The following HMBOX1 variants were observed in gnomAD, a reference collection of about 807,000 sequenced individuals.
HMBOX1 encodes homeobox containing 1.
In HMBOX1, 14 loss-of-function variants were observed where a neutral mutation model predicts 54.5. The ratio of observed to expected loss-of-function variants is 0.26; its 90% CI spans 0.17 to 0.40. The LOEUF (loss-of-function observed/expected upper bound fraction) is 0.40. HMBOX1 is among the 10% of genes least tolerant of loss of function. The pLI is 1.00. For missense variants in HMBOX1, 332 were observed against 514.4 expected, an observed-to-expected ratio of 0.65 and a Z score of 3.43; for synonymous variants, 160 against 181.0, an observed-to-expected ratio of 0.88 and a Z score of 0.93.
chr8:28,974,291 C>T (rs1055107892), intron 3 of HMBOX1, among the ~76,000 whole-genome samples: 30 of 152,140 alleles, frequency 2.0e-4, no homozygotes, highest in African/African-American at 7.0e-4. Flanking sequence ...TTAGGAAGGA[C>T]TTTAAAGCCA....
rs1827180555 is a variant in HMBOX1 at position 28,970,395 on chromosome 8, T to A, written c.376T>A (p.Ser126Thr). The stretch of plus-strand genomic sequence containing the variant: ...TGGGAGGGAGAATAATGAGCGATTA[T>A]CTACATCCAATGGAAAGATGTCACC... ...QNGRENNERL[S>T]TSNGKMSPTR... The change falls in exon 3 of 10, where the codon TCT becomes ACT. Residue 126 changes from serine (S) to threonine (T), a missense_variant. Ser to Thr is a moderately conservative substitution (Grantham distance 58). Transcript: ENST00000287701. The surrounding 1 kb of genome is among the most constrained non-coding windows in gnomAD (Gnocchi z 4.3). 4 of 1,614,140 alleles carry A rather than the reference T, an allele frequency of 2.5e-6. No individual in the cohort carries two copies. In the South Asian group the frequency reaches 3.3e-5, roughly 13 times the overall value.
chr8:28,938,341 G>A (rs930573905), intron 1 of HMBOX1, among the ~76,000 whole-genome samples: 2 of 152,180 alleles, frequency 1.3e-5, no homozygotes, highest in African/African-American at 4.8e-5. Flanking sequence ...CAGGTATTAT[G>A]GGAAGGATAT....
chr8:28,924,331 G>A (rs561490293), intron 1 of HMBOX1, among the ~76,000 whole-genome samples: 10 of 151,716 alleles, frequency 6.6e-5, no homozygotes, highest in African/African-American at 9.7e-5. Flanking sequence ...GGATGGTCTC[G>A]ATCTCCTGAC....
chr8:28,915,333 G>A (rs942800262), intron 1 of HMBOX1, among the ~76,000 whole-genome samples: 2 of 151,892 alleles, frequency 1.3e-5, no homozygotes, highest in South Asian at 2.1e-4. Context: ...TGAGGCGGGC[G>A]GATCACAAGG....
chr8:28,978,133 A>G (rs1463156020), intron 3 of HMBOX1, among the ~76,000 whole-genome samples: 1 of 152,228 alleles, frequency 6.6e-6, no homozygotes, highest in East Asian at 1.9e-4. Context: ...GTAGAGCTAC[A>G]GATTGGAAAC....
At chr8:28,924,414 A>T (rs1818081461) in intron 1 of HMBOX1, among the ~76,000 whole-genome samples, 1 of 149,556 alleles carries the variant, frequency 6.7e-6, no homozygotes, top group Non-Finnish European at 1.5e-5. Flanking sequence ...GGCCCTGCAC[A>T]TAAGTTTTTA....
chr8:29,032,748 G>C (rs1586614257), intron 6 of HMBOX1, among the ~76,000 whole-genome samples: 1 of 152,148 alleles, frequency 6.6e-6, no homozygotes, highest in Non-Finnish European at 1.5e-5. Context: ...ATATTACAGA[G>C]TGTCACTTGA....
At chr8:28,952,170 A>G (rs950048095) in intron 1 of HMBOX1, among the ~76,000 whole-genome samples, 6 of 151,294 alleles carry the variant, frequency 4.0e-5, no homozygotes, top group African/African-American at 7.3e-5. Flanking sequence ...AAAAAAAAAA[A>G]AAAAAGAAAA....
chr8:28,965,861 G>C (rs1826343490), intron 2 of HMBOX1, among the ~76,000 whole-genome samples: 1 of 152,200 alleles, frequency 6.6e-6, no homozygotes, highest in South Asian at 2.1e-4. Flanking sequence ...TGACATTCCT[G>C]AGAGGATGGA....
At chr8:28,903,650 A>G (rs940097768) in intron 1 of HMBOX1, among the ~76,000 whole-genome samples, 1 of 152,134 alleles carries the variant, frequency 6.6e-6, no homozygotes, top group African/African-American at 2.4e-5. Context: ...GTGAAGAATT[A>G]TTTTTTGTCT....
chr8:28,992,869 C>CAAAAAAAAAAA (rs34488854), intron 4 of HMBOX1, among the ~76,000 whole-genome samples: 1 of 57,250 alleles, frequency 1.7e-5, no homozygotes, highest in Non-Finnish European at 2.9e-5. Context: ...GACTCTGTCT[C>CAAAAAAAAAAA]AAAAAAAAAA....
At chr8:29,015,216 G>A (rs776413049) in intron 5 of HMBOX1, among the ~76,000 whole-genome samples, 1 of 152,072 alleles carries the variant, frequency 6.6e-6, no homozygotes, top group Non-Finnish European at 1.5e-5. Flanking sequence ...CAACCTCTTG[G>A]TTAGGATTCT....
intron 3 of HMBOX1, among the ~76,000 whole-genome samples, chr8:28,976,411 G>A (rs1478271467): frequency 3.9e-5 from 6 of 152,086 alleles, no homozygotes; most frequent in Non-Finnish European, 8.8e-5. Context: ...TGTTGTTGTT[G>A]TTGTTAGATG....
chr8:29,009,550 TCTTG>T, intron 5 of HMBOX1: 1 of 686,626 alleles, frequency 1.5e-6, no homozygotes, highest in South Asian at 5.3e-5. Flanking sequence ...TTTTTGCAAA[TCTTG>T]TTTGAATTAG....
At chr8:29,004,433 G>C (rs554463091) in intron 4 of HMBOX1, among the ~76,000 whole-genome samples, 28 of 152,254 alleles carry the variant, frequency 1.8e-4, no homozygotes, top group Non-Finnish European at 3.7e-4. Context: ...GAAGTGGAAG[G>C]AAAATTAAAC....
At chr8:28,904,467 G>C (rs1447522796) in intron 1 of HMBOX1, among the ~76,000 whole-genome samples, 1 of 152,108 alleles carries the variant, frequency 6.6e-6, no homozygotes, top group Admixed American at 6.6e-5. Context: ...TCTTGACCTT[G>C]TGATCCGCCC....
chr8:29,035,262 T>C (rs1803670201), intron 6 of HMBOX1, among the ~76,000 whole-genome samples: 1 of 152,192 alleles, frequency 6.6e-6, no homozygotes, highest in South Asian at 2.1e-4. Flanking sequence ...AAACAATGGA[T>C]TGATCCTTAT....
chr8:28,899,087 A>G (rs1812714313), intron 1 of HMBOX1, among the ~76,000 whole-genome samples: 1 of 152,220 alleles, frequency 6.6e-6, no homozygotes, highest in Non-Finnish European at 1.5e-5. Flanking sequence ...GACTCCTATA[A>G]TTTAAGATTT....
chr8:28,993,708 A>T (rs1003666366), intron 4 of HMBOX1, among the ~76,000 whole-genome samples: 5 of 152,226 alleles, frequency 3.3e-5, no homozygotes, highest in Non-Finnish European at 7.3e-5. Flanking sequence ...CACAGACTCA[A>T]CAATAATCTG....
Sources: allele counts gnomAD v4.1 joint callset (sites outside exome capture counted in the v4.1 genomes callset), GRCh38; gene constraint gnomAD v4.1.1; non-coding constraint Gnocchi (gnomAD v3.1); transcripts MANE v1.5; gene names NCBI Gene and HGNC (gene_info 2026-07-23, HGNC 2026-07-21).